Variants in UBA3 observed in about 807,000 individuals in gnomAD.
The protein encoded by UBA3 is NEDD8-activating enzyme E1 catalytic subunit.
A neutral mutation model predicts 73.5 loss-of-function variants in UBA3; 26 were observed. That is an observed-to-expected ratio of 0.35 (90% CI 0.26 to 0.49). The LOEUF (loss-of-function observed/expected upper bound fraction) is 0.49. Among genes scored for constraint, UBA3 ranks in the 20% least tolerant of loss-of-function variants. The pLI is 0.98. For synonymous variants in UBA3, 217 were observed against 191.2 expected (o/e 1.13, Z -1.11); for missense variants, 495 against 555.6 (o/e 0.89, Z 1.10).
At chr3:69,078,845 G>GA (rs1252230614) in intron 2 of UBA3, among the ~76,000 whole-genome samples, 2 of 152,146 alleles carry the variant, frequency 1.3e-5, no homozygotes, top group African/African-American at 4.8e-5. Context: ...CAAAGTTTCA[G>GA]ATTACAATTA....
At chr3:69,075,218 A>G (rs373309772) in intron 4 of UBA3, 1 of 208,120 alleles carries the variant, frequency 4.8e-6, no homozygotes, top group South Asian at 1.8e-4. Context: ...AAATTTTATC[A>G]ATAACTTTAT....
At chr3:69,059,801 G>A (rs2107482974) in intron 11 of UBA3, among the ~76,000 whole-genome samples, 1 of 152,182 alleles carries the variant, frequency 6.6e-6, no homozygotes, top group Non-Finnish European at 1.5e-5. Context: ...TAATGATCTT[G>A]GGCAAAATTC....
In UBA3 at chr3:69,063,096, G is replaced by A. The variant is rs772764700; in HGVS notation, c.579C>T (p.Ser193=). ...LNYEDGVLDP[S]SIVPLIDGGT... is the part of the protein sequence containing the mutation. The stretch of plus-strand genomic sequence containing the variant: ...CCCCATCTATCAAAGGGACAATGGA[G>A]CTTGGATCTAAGACACCATCTTCAT... Residue 193 remains serine (S), a synonymous_variant, in exon 9 of 18, where the codon AGC becomes AGT. Transcript: ENST00000361055. 1.2e-6 allele frequency: 2 copies of A among 1,614,044 alleles called. No homozygotes were observed. Among genetic ancestry groups the A allele is most frequent in the Non-Finnish European group, 1.7e-6 (2 of 1,179,982 alleles).
chr3:69,064,113 T>C lies in UBA3; in HGVS notation c.429-2A>G. 1 of 1,600,706 alleles carries C rather than the reference T, an allele frequency of 6.2e-7. No individual in the cohort carries two copies. Among genetic ancestry groups the C allele is most frequent in the African/African-American group, 1.3e-5 (1 of 74,188 alleles). On this transcript the variant is annotated splice_acceptor_variant, in intron 6 of 17. Transcript: ENST00000361055. LOFTEE classifies it high-confidence loss of function. ...AAATCTTGAATCTTGTTGAAATGTC[T>C]GAATACAAGTAAAGGAACTTAAGCA... is the stretch of plus-strand genomic sequence containing the variant.
In UBA3 at chr3:69,065,384, A is replaced by G. The variant is rs369889693; in HGVS notation, c.429-1273T>C. On this transcript the variant is annotated intron_variant, in intron 6 of 17. Coordinates refer to ENST00000361055, the MANE Select transcript of UBA3 (RefSeq NM_003968.4). ...ACCTTTCCCAGTTACATCTTACTATAGTACAGTACCAAAACCATGAACAGA... is the reference window on the plus strand; with the variant it reads ...ACCTTTCCCAGTTACATCTTACTATGGTACAGTACCAAAACCATGAACAGA... Among the ~76,000 whole-genome samples, 10 of 152,336 alleles carry G rather than the reference A, an allele frequency of 6.6e-5. No homozygotes were observed. In the South Asian group the frequency reaches 8.3e-4, roughly 13 times the overall value.
At chr3:69,066,536 T>C (rs2092073360) in intron 6 of UBA3, among the ~76,000 whole-genome samples, 1 of 152,002 alleles carries the variant, frequency 6.6e-6, no homozygotes, top group South Asian at 2.1e-4. Context: ...CTCAGCCTCC[T>C]AGGGTCAAGC....
At position 69,072,935 on chromosome 3, in the gene UBA3, T is replaced by C. The variant is rs921039395; in HGVS notation, c.265-1318A>G. Among the ~76,000 whole-genome samples, 5 of 152,178 alleles carry C rather than the reference T, an allele frequency of 3.3e-5. No homozygotes were observed. The South Asian group carries it at 8.3e-4, about 25-fold the overall frequency. On this transcript the variant is annotated intron_variant, in intron 4 of 17. Transcript: ENST00000361055. ...CCAATCCATCAGCTAATCCTGTTGATTCCATCTTCAAAATATATCCATAAT... is the reference window on the plus strand; with the variant it reads ...CCAATCCATCAGCTAATCCTGTTGACTCCATCTTCAAAATATATCCATAAT...
rs1394052912 is a variant in UBA3, at chr3:69,080,106, A to G, written c.62+6T>C. The stretch of plus-strand genomic sequence containing the variant: ...GAGAGGGCCCCGGCCTCCCGGCAGC[A>G]CTAACTTCTCAGCCAGCAGCTCCTC... On this transcript the variant is annotated splice_donor_region_variant and intron_variant, in intron 2 of 17. Transcript: ENST00000361055. The G allele has an allele frequency of 1.2e-6, 2 of 1,608,622 alleles. No homozygotes were observed. Among genetic ancestry groups the G allele is most frequent in the African/African-American group, 2.7e-5 (2 of 74,334 alleles).
chr3:69,058,494 T>A (rs1317276430), intron 11 of UBA3, among the ~76,000 whole-genome samples: 1 of 152,212 alleles, frequency 6.6e-6, no homozygotes, highest in Admixed American at 6.5e-5. Flanking sequence ...TGGAAAGCTT[T>A]TTTAAAAAGT....
Position 69,056,781 on chromosome 3 carries a change from T to C in UBA3, c.999A>G (p.Thr333=), listed in dbSNP as rs1413146284. 6.2e-7 allele frequency: 1 copy of C among 1,612,944 alleles called. No homozygotes were observed. The highest frequency in any genetic ancestry group is 2.2e-5 in the East Asian group (1 of 44,782). ...VCATEVFKIA[T]SAYIPLNNYL... ...ATATTAAAAATGAAACCTATTACCT[T>C]GTGGCTATTTTAAAAACCTCAGTGG... Residue 333 remains threonine, a splice_region_variant and synonymous_variant, in exon 13 of 18, where the codon ACA becomes ACG. Transcript: ENST00000361055.
intron 11 of UBA3, 49 bp downstream of exon 11, chr3:69,061,765 A>G: frequency 4.0e-6 from 5 of 1,249,238 alleles, no homozygotes; most frequent in Non-Finnish European, 5.7e-6. Context: ...AAAGCATCCC[A>G]GCCCTAAGTC....
At chr3:69,057,950 G>C (rs2091989317) in intron 11 of UBA3, among the ~76,000 whole-genome samples, 1 of 108,302 alleles carries the variant, frequency 9.2e-6, no homozygotes, top group Non-Finnish European at 1.7e-5. Flanking sequence ...TTTTGAGACA[G>C]AGTCTCGCTC....
At chr3:69,057,924 C>CTTTTTTTT (rs368333207) in intron 11 of UBA3, among the ~76,000 whole-genome samples, 23 of 115,470 alleles carry the variant, frequency 2.0e-4, no homozygotes, top group Non-Finnish European at 2.7e-4. Context: ...CCACATTTTT[C>CTTTTTTTT]TTTTTTTTTT....
rs760891589 is a variant in UBA3, at chr3:69,063,140, AG to A, written c.538-4del. 3 of 1,613,618 alleles carry A rather than the reference AG, an allele frequency of 1.9e-6. No homozygotes were observed. The East Asian group carries it at 6.7e-5, about 36-fold the overall frequency. On this transcript the variant is annotated splice_region_variant and splice_polypyrimidine_tract_variant and intron_variant, in intron 8 of 17. Coordinates refer to ENST00000361055, the MANE Select transcript of UBA3 (RefSeq NM_003968.4). ...TCTTCATAATTTAGAAGAGATATCT[AG>A]GAAAACAATTTGAAGGGCTTTAAAG...
chr3:69,067,149 AT>A (rs1453043273), intron 6 of UBA3, among the ~76,000 whole-genome samples: 2 of 152,192 alleles, frequency 1.3e-5, no homozygotes, highest in African/African-American at 2.4e-5. Flanking sequence ...ATGTATACAA[AT>A]TTAGGGAGAA....
chr3:69,080,319 A>G lies in UBA3; in HGVS notation c.20+15T>C. 9 of 1,604,094 alleles carry G rather than the reference A, an allele frequency of 5.6e-6. No homozygotes were observed. Among genetic ancestry groups the G allele is most frequent in the Non-Finnish European group, 5.9e-6 (7 of 1,177,270 alleles). On this transcript the variant is annotated intron_variant, in intron 1 of 17. Transcript: ENST00000361055. ...CCAGCCCAGCCCGGCGCGTCTGCAG[A>G]GCCCCGGTACTTACGGCTCCTCGCC... is the stretch of plus-strand genomic sequence containing the variant.
chr3:69,055,624 C>T, intron 17 of UBA3, 99 bp from the exon 18 acceptor site: 1 of 962,100 alleles, frequency 1.0e-6, no homozygotes, highest in African/African-American at 1.7e-5. Flanking sequence ...TCTAGAAAAA[C>T]ATCAAAATCC....
chr3:69,080,233 C>CGGGGGGGG, intron 1 of UBA3, 80 bp from the exon 2 acceptor site: 3 of 557,124 alleles, frequency 5.4e-6, no homozygotes, highest in Non-Finnish European at 9.3e-6. Context: ...GGGGACGGGG[C>CGGGGGGGG]GGGGGGTGTG....
chr3:69,071,491 A>G, intron 5 of UBA3, 44 bp downstream of exon 5: 1 of 1,045,114 alleles, frequency 9.6e-7, no homozygotes, highest in Non-Finnish European at 1.4e-6. Flanking sequence ...TCAAATGATT[A>G]TCAGAGCTTA....
Sources: gnomAD v4.1 joint callset for allele counts (sites outside exome capture counted in the v4.1 genomes callset) on GRCh38, gnomAD v4.1.1 for gene constraint, MANE v1.5 for transcripts, NCBI Gene and HGNC (gene_info 2026-07-23, HGNC 2026-07-21) for gene names.